IMMP2L: variants seen among roughly 807,000 people sequenced by gnomAD.
The protein encoded by IMMP2L is mitochondrial inner membrane protease subunit 2.
IMMP2L carries 18 observed loss-of-function variants against 19.3 expected under a neutral mutation model. The observed-to-expected ratio is 0.93, with a 90% CI of 0.64 to 1.38. IMMP2L has a LOEUF of 1.38. Among genes scored for constraint, IMMP2L ranks in the 40% most tolerant of loss-of-function variants. The pLI is 0.00. For missense variants in IMMP2L, 233 were observed against 218.2 expected, an observed-to-expected ratio of 1.07 and a Z score of -0.43; for synonymous variants, 76 against 73.0, an observed-to-expected ratio of 1.04 and a Z score of -0.21.
chr7:111,462,246 C>T (rs1446113327), intron 3 of IMMP2L, among the ~76,000 whole-genome samples: 3 of 152,022 alleles, frequency 2.0e-5, no homozygotes, highest in Non-Finnish European at 4.4e-5. Context: ...CAATTGGATA[C>T]ATCTTAGTGA....
chr7:111,228,484 C>T (rs1225248630), intron 3 of IMMP2L, among the ~76,000 whole-genome samples: 1 of 151,230 alleles, frequency 6.6e-6, no homozygotes, highest in East Asian at 1.9e-4. Flanking sequence ...GAGTTCTAAG[C>T]ACAAGAACCA....
At chr7:111,403,851 G>A (rs948166018) in intron 3 of IMMP2L, among the ~76,000 whole-genome samples, 4 of 152,058 alleles carry the variant, frequency 2.6e-5, no homozygotes, top group African/African-American at 9.7e-5. Flanking sequence ...ATACAGAGAT[G>A]CCATCAGTTA....
chr7:110,954,613 C>T (rs541760826), intron 4 of IMMP2L, among the ~76,000 whole-genome samples: 128 of 152,130 alleles, frequency 8.4e-4, no homozygotes, highest in Non-Finnish European at 1.2e-3. Context: ...TTACAATTTC[C>T]ATTTTATTGA....
chr7:111,504,522 T>A (rs1477944453), intron 2 of IMMP2L, among the ~76,000 whole-genome samples: 1 of 152,054 alleles, frequency 6.6e-6, no homozygotes, highest in Non-Finnish European at 1.5e-5. Context: ...AAGTCAATCC[T>A]AAGCCAAAAG....
intron 3 of IMMP2L, among the ~76,000 whole-genome samples, chr7:111,353,152 A>G (rs1828355813): frequency 6.6e-6 from 1 of 152,212 alleles, no homozygotes; most frequent in Non-Finnish European, 1.5e-5. Flanking sequence ...TGCCACCAGC[A>G]CACTATCATC....
At chr7:111,275,634 A>T in intron 3 of IMMP2L, among the ~76,000 whole-genome samples, 1 of 152,176 alleles carries the variant, frequency 6.6e-6, no homozygotes, top group African/African-American at 2.4e-5. Flanking sequence ...TAGGGATTGC[A>T]CTGAATCGGT....
At chr7:110,997,158 G>A (rs1823125032) in intron 3 of IMMP2L, among the ~76,000 whole-genome samples, 1 of 151,926 alleles carries the variant, frequency 6.6e-6, no homozygotes, top group Admixed American at 6.6e-5. Flanking sequence ...CATATGGAAT[G>A]TACTTAAAAA....
chr7:111,445,393 G>T (rs1352821734), intron 3 of IMMP2L, among the ~76,000 whole-genome samples: 1 of 148,728 alleles, frequency 6.7e-6, no homozygotes, highest in African/African-American at 2.5e-5. Flanking sequence ...CTAGAAGAAT[G>T]AAAAAAAAAT....
In IMMP2L at chr7:111,505,752, T is replaced by C. The variant is rs916207355; in HGVS notation, c.135+15561A>G. ...ACCAAACACCACATGTTCTCACTCATAGGTGGGAATTGAACAATGAGAACA... is the reference window on the plus strand; with the variant it reads ...ACCAAACACCACATGTTCTCACTCACAGGTGGGAATTGAACAATGAGAACA... On this transcript the variant is annotated intron_variant, in intron 2 of 5. Coordinates refer to ENST00000405709, the MANE Select transcript of IMMP2L (RefSeq NM_032549.4). Among the ~76,000 whole-genome samples, 5 of 151,132 alleles carry C rather than the reference T, an allele frequency of 3.3e-5. No individual in the cohort carries two copies. In the South Asian group the frequency reaches 6.3e-4, roughly 19 times the overall value.
chr7:111,031,407 T>TGTGTGTGTGTGTGTAA (rs147571783), intron 3 of IMMP2L, among the ~76,000 whole-genome samples: 28,301 of 146,862 alleles, frequency 0.19, 3,254 homozygotes, highest in Non-Finnish European at 0.26. Flanking sequence ...TGTGTGTGTG[T>TGTGTGTGTGTGTGTAA]GAGAGAAAGA....
intron 3 of IMMP2L, among the ~76,000 whole-genome samples, chr7:111,112,708 T>C (rs1799383495): frequency 6.6e-6 from 1 of 152,172 alleles, no homozygotes; most frequent in African/African-American, 2.4e-5. Flanking sequence ...TCTGACACAC[T>C]TTTGAAAAGA....
At chr7:111,094,663 C>G (rs984712153) in intron 3 of IMMP2L, among the ~76,000 whole-genome samples, 2 of 152,146 alleles carry the variant, frequency 1.3e-5, no homozygotes, top group African/African-American at 4.8e-5. Flanking sequence ...TGTATAACAA[C>G]TGAACATAGC....
rs529235585 is a variant in IMMP2L, at chr7:111,046,912, C to G, written c.240-83347G>C. Among the ~76,000 whole-genome samples, 77 of 152,232 alleles carry G rather than the reference C, an allele frequency of 5.1e-4. 1 individual carries two copies. The South Asian group carries it at 8.5e-3, about 17-fold the overall frequency. On this transcript the variant is annotated intron_variant, in intron 3 of 5. Transcript: ENST00000405709. ...ATCTAACACAAGCTAATCCTCCAAG[C>G]ACTTATCAGATAGGCATTATATTAA...
At chr7:110,991,956 C>A (rs1254394662) in intron 3 of IMMP2L, among the ~76,000 whole-genome samples, 1 of 151,916 alleles carries the variant, frequency 6.6e-6, no homozygotes, top group Non-Finnish European at 1.5e-5. Flanking sequence ...TCAATTTTGC[C>A]AATCATATCA....
chr7:111,541,508 A>G (rs1848501507), intron 1 of IMMP2L, among the ~76,000 whole-genome samples: 1 of 152,200 alleles, frequency 6.6e-6, no homozygotes, highest in Non-Finnish European at 1.5e-5. Context: ...AATTATTTTT[A>G]TACTGGTCAC....
chr7:111,079,801 C>T (rs1312126062), intron 3 of IMMP2L, among the ~76,000 whole-genome samples: 1 of 152,094 alleles, frequency 6.6e-6, no homozygotes, highest in Non-Finnish European at 1.5e-5. Flanking sequence ...ACTGATGGCA[C>T]TTGGAGGTGG....
At chr7:111,169,360 T>G (rs1806184318) in intron 3 of IMMP2L, among the ~76,000 whole-genome samples, 1 of 151,830 alleles carries the variant, frequency 6.6e-6, no homozygotes, top group African/African-American at 2.4e-5. Context: ...CAAAATTTTC[T>G]CAGTTGGCTG....
chr7:111,492,488 T>C, intron 2 of IMMP2L: 11 of 510,400 alleles, frequency 2.2e-5, no homozygotes, highest in Non-Finnish European at 2.8e-5. Flanking sequence ...TCAAAGTCCT[T>C]ATCTGATGGG....
intron 3 of IMMP2L, among the ~76,000 whole-genome samples, chr7:111,211,176 G>A (rs1196662931): frequency 6.6e-6 from 1 of 152,100 alleles, no homozygotes; most frequent in Admixed American, 6.5e-5. Context: ...TCAGAAGAAG[G>A]AAACCACATA....
Sources: gnomAD v4.1 joint callset for allele counts (sites outside exome capture counted in the v4.1 genomes callset) on GRCh38, gnomAD v4.1.1 for gene constraint, MANE v1.5 for transcripts, NCBI Gene and HGNC (gene_info 2026-07-23, HGNC 2026-07-21) for gene names.